The following ERBIN variants were observed in gnomAD, a reference collection of about 807,000 sequenced individuals.
The protein encoded by ERBIN is erbb2 interacting protein.
Under a neutral mutation model 158.4 loss-of-function variants are expected in ERBIN, and 60 were observed. That is an observed-to-expected ratio of 0.38 (90% CI 0.31 to 0.47). The LOEUF (loss-of-function observed/expected upper bound fraction) is 0.47. ERBIN is among the 20% of genes least tolerant of loss of function. ERBIN has a pLI of 0.99. For synonymous variants in ERBIN, 594 were observed against 557.2 expected (o/e 1.07, Z -0.93); for missense variants, 1,610 against 1,648.0 (o/e 0.98, Z 0.40).
chr5:65,960,645 A>G (rs572421361), intron 1 of ERBIN, among the ~76,000 whole-genome samples: 5 of 152,316 alleles, frequency 3.3e-5, no homozygotes, highest in Admixed American at 1.3e-4. Context: ...CATGAATGCA[A>G]CTGCTACTCA....
intron 1 of ERBIN, among the ~76,000 whole-genome samples, chr5:65,974,584 C>T (rs1749658185): frequency 6.6e-6 from 1 of 152,232 alleles, no homozygotes; most frequent in South Asian, 2.1e-4. Context: ...TTTCTTCCAT[C>T]CCCATCTTAA....
At chr5:66,039,269 A>G (rs1757707530) in intron 15 of ERBIN, among the ~76,000 whole-genome samples, 1 of 151,932 alleles carries the variant, frequency 6.6e-6, no homozygotes, top group South Asian at 2.1e-4. Context: ...TGAAATGATG[A>G]TAATAGTTCT....
In ERBIN at chr5:66,054,515, T is replaced by C. The variant is rs74993466; in HGVS notation, c.3197T>C (p.Ile1066Thr). The C allele has an allele frequency of 1.0e-4, 169 of 1,614,174 alleles. 2 individuals are homozygous for C. In the East Asian group the frequency reaches 3.3e-3, roughly 31 times the overall value. The stretch of plus-strand genomic sequence containing the variant: ...GCCATCTCACCAAACGACCGACTTA[T>C]TCCTGCAGTAACTCGAAGTACAATC... ...MWAISPNDRL[I>T]PAVTRSTIQR... Residue 1066 changes from isoleucine (I) to threonine (T), a missense_variant, in exon 21 of 26, where the codon ATT becomes ACT. Physicochemically the swap from Ile to Thr is moderately conservative, Grantham distance 89. This residue lies in a region of ERBIN where 1,014 missense variants were observed against 936.1 expected (regional missense o/e 1.08). Coordinates refer to ENST00000284037, the MANE Select transcript of ERBIN (RefSeq NM_001253697.2).
chr5:66,045,859 G>T lies in ERBIN; in HGVS notation c.1603-494G>T, dbSNP rs1046716726. ...ATTTTACCTAATTCTCATTTTAAAT[G>T]TAATTGCAATGACAGACAGTTGGCA... On this transcript the variant is annotated intron_variant, in intron 17 of 25. Coordinates refer to ENST00000284037, the MANE Select transcript of ERBIN (RefSeq NM_001253697.2). 5.3e-5 allele frequency among the ~76,000 whole-genome samples: 8 copies of T among 152,164 alleles called. No homozygotes were observed. The South Asian group carries it at 8.3e-4, about 16-fold the overall frequency.
chr5:66,064,081 C>T (rs1760745778), intron 21 of ERBIN, among the ~76,000 whole-genome samples: 1 of 152,052 alleles, frequency 6.6e-6, no homozygotes, highest in Non-Finnish European at 1.5e-5. Context: ...CTTTTTGATA[C>T]ATTTCTAAAA....
At chr5:66,051,110 G>C in intron 20 of ERBIN, 144 bp downstream of exon 20, 1 of 523,136 alleles carries the variant, frequency 1.9e-6, no homozygotes, top group Non-Finnish European at 3.2e-6. Context: ...TTTTATTGCT[G>C]ATTTTCCATT....
At position 66,003,136 on chromosome 5, in the gene ERBIN, C is replaced by T. The variant is rs138446368; in HGVS notation, c.307+8272C>T. Among the ~76,000 whole-genome samples, 152 of 152,292 alleles carry T rather than the reference C, an allele frequency of 1.0e-3. 3 individuals carry two copies. The East Asian group carries it at 0.021, about 21-fold the overall frequency. On this transcript the variant is annotated intron_variant, in intron 4 of 25. Coordinates refer to ENST00000284037, the MANE Select transcript of ERBIN (RefSeq NM_001253697.2). Reference sequence around the variant, plus strand: ...AATTTCCGGTTAGTTTTGACCAGAACTCGAATGTTTTATTCTGTAGTATGG... The same window carrying T: ...AATTTCCGGTTAGTTTTGACCAGAATTCGAATGTTTTATTCTGTAGTATGG...
At chr5:65,965,774 C>T (rs988649587) in intron 1 of ERBIN, among the ~76,000 whole-genome samples, 1 of 152,154 alleles carries the variant, frequency 6.6e-6, no homozygotes, top group African/African-American at 2.4e-5. Flanking sequence ...TTCCTCTCCC[C>T]TTAATGTGTT....
chr5:66,030,551 T>C (rs984785994), intron 14 of ERBIN, among the ~76,000 whole-genome samples: 4 of 150,628 alleles, frequency 2.7e-5, no homozygotes, highest in African/African-American at 9.8e-5. Context: ...ATTCTATTAG[T>C]ACAGTAGCAC....
rs1056494781 is a variant in ERBIN, at chr5:65,978,977, C to T, written c.-57-9658C>T. 5.3e-5 allele frequency among the ~76,000 whole-genome samples: 8 copies of T among 152,028 alleles called. No homozygotes were observed. The East Asian group carries it at 5.8e-4, about 11-fold the overall frequency. Reference sequence around the variant, plus strand: ...CAAGATCGAAAAGGTGACTGTGGGTCGGTGATGGGGAGGTTGGGATTTGGG... The same window carrying T: ...CAAGATCGAAAAGGTGACTGTGGGTTGGTGATGGGGAGGTTGGGATTTGGG... On this transcript the variant is annotated intron_variant, in intron 1 of 25. Transcript: ENST00000284037.
At chr5:66,015,245 C>A (rs926953428) in intron 7 of ERBIN, among the ~76,000 whole-genome samples, 2 of 152,158 alleles carry the variant, frequency 1.3e-5, no homozygotes, top group Non-Finnish European at 2.9e-5. Flanking sequence ...AACAGGTCTA[C>A]AAACTCGAAA....
At chr5:65,993,435 A>G (rs1752093206) in intron 3 of ERBIN, among the ~76,000 whole-genome samples, 1 of 152,140 alleles carries the variant, frequency 6.6e-6, no homozygotes, top group East Asian at 1.9e-4. Context: ...GAAAGGAGAA[A>G]GTTGGTTTGT....
chr5:66,021,864 T>C (rs2151140759), intron 8 of ERBIN, among the ~76,000 whole-genome samples: 1 of 152,244 alleles, frequency 6.6e-6, no homozygotes, highest in Middle Eastern at 3.4e-3. Context: ...TGTTTGTGCT[T>C]TGTATGCCAA....
rs1206080819 is a variant in ERBIN, at chr5:66,081,004, ATAAT to A, written c.*2478_*2481del. The A allele has an allele frequency of 6.6e-6, 1 of 152,038 alleles. No individual in the cohort carries two copies. Among genetic ancestry groups the A allele is most frequent in the Non-Finnish European group, 1.5e-5 (1 of 67,870 alleles). The allele number at this position is 152,038 out of a possible 1,614,324, so 9.4% of individuals were successfully genotyped here. A position where few individuals can be genotyped will look rare whatever the true frequency, so the allele number is the denominator to read the frequency against. ...AATAAAGTTTCAAAATTTGAATAAA[ATAAT>A]TAAATTTTTTGAGGAAGTGGAGAAG... On this transcript the variant is annotated 3_prime_UTR_variant, in exon 26 of 26. Coordinates refer to ENST00000284037, the MANE Select transcript of ERBIN (RefSeq NM_001253697.2).
chr5:66,042,326 C>T (rs1220676799), intron 15 of ERBIN, among the ~76,000 whole-genome samples: 1 of 151,790 alleles, frequency 6.6e-6, no homozygotes, highest in African/African-American at 2.4e-5. Flanking sequence ...TTTTAGATGC[C>T]TAATAATAAC....
chr5:66,048,903 A>C, intron 19 of ERBIN, 122 bp downstream of exon 19: 1 of 564,742 alleles, frequency 1.8e-6, no homozygotes. Flanking sequence ...ATTTTTAGAC[A>C]TGGCTTTCTG....
chr5:65,937,517 C>T (rs1744227733), intron 1 of ERBIN, among the ~76,000 whole-genome samples: 3 of 152,110 alleles, frequency 2.0e-5, no homozygotes, highest in Admixed American at 6.6e-5. Context: ...TGACCTCTCT[C>T]CCCTTCATTG....
chr5:66,073,054 T>A (rs530787218), intron 22 of ERBIN, among the ~76,000 whole-genome samples: 1 of 152,348 alleles, frequency 6.6e-6, no homozygotes, highest in African/African-American at 2.4e-5. Flanking sequence ...CAGTTTTTTC[T>A]CATTACATAT....
At chr5:65,961,427 A>G (rs1029429542) in intron 1 of ERBIN, 3 of 152,236 alleles carry the variant, frequency 2.0e-5, no homozygotes, top group Non-Finnish European at 4.4e-5. Context: ...ATTTTCCAAA[A>G]TGAAAAATTC....
Sources: gnomAD v4.1 joint callset for allele counts (sites outside exome capture counted in the v4.1 genomes callset) on GRCh38, gnomAD v4.1.1 for gene constraint, gnomAD v4.1.1 regional missense constraint, MANE v1.5 for transcripts, NCBI Gene and HGNC (gene_info 2026-07-23, HGNC 2026-07-21) for gene names.